Variants in OSBPL8 observed in about 807,000 individuals in gnomAD.
The protein encoded by OSBPL8 is oxysterol binding protein like 8.
A neutral mutation model predicts 125.5 loss-of-function variants in OSBPL8; 59 were observed. The ratio of observed to expected loss-of-function variants is 0.47; its 90% CI spans 0.38 to 0.58. The LOEUF (loss-of-function observed/expected upper bound fraction) is 0.58. Ranked by LOEUF, OSBPL8 falls within the 20% of genes least tolerant of loss-of-function variation. The pLI is 0.00. For synonymous variants in OSBPL8, 330 were observed against 338.9 expected (o/e 0.97, Z 0.29); for missense variants, 758 against 1,047.8 (o/e 0.72, Z 3.82).
intron 4 of OSBPL8, chr12:76,422,453 G>A (rs986128856): frequency 6.8e-6 from 3 of 443,482 alleles, no homozygotes; most frequent in African/African-American, 6.1e-5. Flanking sequence ...TAAAATGCCT[G>A]GTTTATTTTA....
chr12:76,381,558 T>A (rs2136244831), intron 15 of OSBPL8, among the ~76,000 whole-genome samples: 2 of 152,314 alleles, frequency 1.3e-5, no homozygotes, highest in African/African-American at 4.8e-5. Context: ...CAGGCATTTA[T>A]GATTATTATG....
At chr12:76,454,726 A>C (rs1242593361) in intron 3 of OSBPL8, among the ~76,000 whole-genome samples, 2 of 139,294 alleles carry the variant, frequency 1.4e-5, no homozygotes, top group African/African-American at 5.9e-5. Context: ...CTCTTTAAAA[A>C]ATTAAAAAAA....
chr12:76,357,883 A>T (rs1254769872), intron 22 of OSBPL8, among the ~76,000 whole-genome samples: 3 of 152,058 alleles, frequency 2.0e-5, no homozygotes, highest in East Asian at 3.9e-4. Flanking sequence ...TGTCACAAAC[A>T]TCACTTTAAT....
intron 1 of OSBPL8, among the ~76,000 whole-genome samples, chr12:76,505,129 T>C (rs1007972973): frequency 6.6e-6 from 1 of 152,174 alleles, no homozygotes; most frequent in Non-Finnish European, 1.5e-5. Context: ...ACCAGCTCTA[T>C]GTATATTAAA....
In OSBPL8 at chr12:76,399,956, G is replaced by T. The variant is rs1200956345; in HGVS notation, c.385C>A (p.Arg129=). Residue 129 remains arginine, a synonymous_variant, in exon 7 of 24, where the codon CGA becomes AGA. Coordinates refer to ENST00000261183, the MANE Select transcript of OSBPL8 (RefSeq NM_020841.5). ...TTTGTGGCTCTTTTCTTTTCTTCTCGGTAATTTTTCTTTTGTACCTATTTT... is the reference window on the plus strand; with the variant it reads ...TTTGTGGCTCTTTTCTTTTCTTCTCTGTAATTTTTCTTTTGTACCTATTTT... The part of the protein sequence containing the change: ...ESLKVQKKNY[R]EEKKRATKEL... 6.3e-7 allele frequency: 1 copy of T among 1,596,392 alleles called. No homozygotes were observed. Among genetic ancestry groups the T allele is most frequent in the Non-Finnish European group, 8.5e-7 (1 of 1,174,642 alleles).
intron 1 of OSBPL8, among the ~76,000 whole-genome samples, chr12:76,495,907 A>G (rs1879216842): frequency 6.6e-6 from 1 of 152,148 alleles, no homozygotes; most frequent in African/African-American, 2.4e-5. Context: ...TCTTGCTAAA[A>G]TTTGTATTAG....
chr12:76,441,647 T>C (rs1872193484), intron 4 of OSBPL8, among the ~76,000 whole-genome samples: 1 of 152,110 alleles, frequency 6.6e-6, no homozygotes, highest in Non-Finnish European at 1.5e-5. Context: ...TGATCATTTT[T>C]TAATGTTATA....
In OSBPL8 at chr12:76,354,408, C is replaced by T. The variant is rs1339973043; in HGVS notation, c.*1481G>A. On this transcript the variant is annotated 3_prime_UTR_variant, in exon 24 of 24. Transcript: ENST00000261183. ...ATTTTGATTCTCATAATTTACCAAT[C>T]AATGTATTTATTTACCAATCTTGTA... 6.6e-6 allele frequency: 1 copy of T among 151,810 alleles called. No individual in the cohort carries two copies. Among genetic ancestry groups the T allele is most frequent in the African/African-American group, 2.4e-5 (1 of 41,388 alleles). The allele number at this position is 151,810 out of a possible 1,614,324, so 9.4% of individuals were successfully genotyped here. A position where few individuals can be genotyped will look rare whatever the true frequency, so the allele number is the denominator to read the frequency against.
At chr12:76,389,267 G>A (rs979627189) in intron 12 of OSBPL8, among the ~76,000 whole-genome samples, 2 of 152,182 alleles carry the variant, frequency 1.3e-5, no homozygotes, top group Non-Finnish European at 2.9e-5. Flanking sequence ...ACAAGTATGA[G>A]CAAACACAGA....
At chr12:76,400,646 T>A (rs952674847) in intron 6 of OSBPL8, among the ~76,000 whole-genome samples, 2 of 152,096 alleles carry the variant, frequency 1.3e-5, no homozygotes, top group African/African-American at 2.4e-5. Flanking sequence ...AGTAGAAAAG[T>A]CTAAACCGCT....
intron 4 of OSBPL8, among the ~76,000 whole-genome samples, chr12:76,435,072 TACTC>T (rs941967227): frequency 1.3e-5 from 2 of 152,122 alleles, no homozygotes; most frequent in African/African-American, 4.8e-5. Context: ...ACTATAGCAT[TACTC>T]ACAATAGCGA....
chr12:76,417,858 T>C (rs2136467249), intron 4 of OSBPL8, among the ~76,000 whole-genome samples: 1 of 152,268 alleles, frequency 6.6e-6, no homozygotes, highest in East Asian at 1.9e-4. Flanking sequence ...GTTTGTTGTT[T>C]CAGTTACTTC....
At chr12:76,501,075 TTGTA>T (rs150796885) in intron 1 of OSBPL8, among the ~76,000 whole-genome samples, 6,012 of 151,060 alleles carry the variant, frequency 0.04, 358 homozygotes, top group African/African-American at 0.13. Flanking sequence ...TATTGAGTAA[TTGTA>T]TGTGTGTGTA....
chr12:76,402,896 T>A (rs1954110270), intron 5 of OSBPL8, 130 bp from the exon 6 acceptor site: 1 of 662,226 alleles, frequency 1.5e-6, no homozygotes, highest in East Asian at 2.8e-5. Context: ...CAATTTTCAA[T>A]AGAATTTTCC....
intron 6 of OSBPL8, among the ~76,000 whole-genome samples, chr12:76,400,883 G>A (rs965166699): frequency 6.6e-6 from 1 of 151,222 alleles, no homozygotes; most frequent in African/African-American, 2.4e-5. Flanking sequence ...CCGCCTCCTG[G>A]GTCAACGCAA....
intron 1 of OSBPL8, among the ~76,000 whole-genome samples, chr12:76,523,419 A>G (rs1950076715): frequency 6.6e-6 from 1 of 152,178 alleles, no homozygotes; most frequent in Non-Finnish European, 1.5e-5. Flanking sequence ...CTTAAACAAC[A>G]GGTATTTTAT....
chr12:76,376,415 T>G (rs547205377), intron 16 of OSBPL8, among the ~76,000 whole-genome samples: 1 of 152,258 alleles, frequency 6.6e-6, no homozygotes, highest in South Asian at 2.1e-4. Context: ...ACAAAACAAT[T>G]TGTGAGACTA....
At chr12:76,516,001 G>A (rs577457379) in intron 1 of OSBPL8, among the ~76,000 whole-genome samples, 8 of 151,970 alleles carry the variant, frequency 5.3e-5, no homozygotes, top group South Asian at 2.1e-4. Context: ...AAATATTAGC[G>A]AAATGATAAT....
chr12:76,453,268 A>C lies in OSBPL8; in HGVS notation c.80-2280T>G, dbSNP rs981412680. Among the ~76,000 whole-genome samples, 3 of 152,208 alleles carry C rather than the reference A, an allele frequency of 2.0e-5. No homozygotes were observed. In the East Asian group the frequency reaches 5.8e-4, roughly 29 times the overall value. On this transcript the variant is annotated intron_variant, in intron 3 of 23. Transcript: ENST00000261183. ...ATGTTCAATAAATTTATGTTGAATG[A>C]GTCAATAAACCAACTTTATATTTTT...
Sources: allele counts gnomAD v4.1 joint callset (sites outside exome capture counted in the v4.1 genomes callset), GRCh38; gene constraint gnomAD v4.1.1; transcripts MANE v1.5; gene names NCBI Gene and HGNC (gene_info 2026-07-23, HGNC 2026-07-21).